SH3GLB1: variants seen among roughly 807,000 people sequenced by gnomAD.
The protein encoded by SH3GLB1 is SH3 domain containing GRB2 like, endophilin B1, also known as endophilin-B1.
SH3GLB1 carries 17 observed loss-of-function variants against 42.0 expected under a neutral mutation model. That is an observed-to-expected ratio of 0.40 (90% CI 0.28 to 0.61). The LOEUF (loss-of-function observed/expected upper bound fraction) is 0.61. Ranked by LOEUF, SH3GLB1 falls within the 20% of genes least tolerant of loss-of-function variation. The pLI, the probability that SH3GLB1 is intolerant of heterozygous loss-of-function variation, is 0.36. For synonymous variants in SH3GLB1, 132 were observed against 146.6 expected, an observed-to-expected ratio of 0.90 and a Z score of 0.72; for missense variants, 355 against 426.3, an observed-to-expected ratio of 0.83 and a Z score of 1.47.
intron 7 of SH3GLB1, among the ~76,000 whole-genome samples, chr1:86,740,611 T>G (rs775818765): frequency 4.1e-4 from 63 of 152,238 alleles, no homozygotes; most frequent in Admixed American, 3.3e-4. Context: ...AAGGCGATGG[T>G]CAAAGAATGG....
Position 86,704,725 on chromosome 1 carries a change from C to G in SH3GLB1, c.-175C>G, listed in dbSNP as rs1570397192. On this transcript the variant is annotated 5_prime_UTR_variant, in exon 1 of 9. Transcript: ENST00000370558. Reference sequence around the variant, plus strand: ...GCCGCGCGCTTGTTCTCCTCCCTCGCCCCGCCTTCATCCTCCCCGTTCACG... The same window carrying G: ...GCCGCGCGCTTGTTCTCCTCCCTCGGCCCGCCTTCATCCTCCCCGTTCACG... 2 of 474,414 alleles carry G rather than the reference C, an allele frequency of 4.2e-6. No homozygotes were observed. Among genetic ancestry groups the G allele is most frequent in the Non-Finnish European group, 7.5e-6 (2 of 268,400 alleles). 29.4% of individuals were successfully genotyped at this position (474,414 alleles called of 1,614,324 possible).
intron 5 of SH3GLB1, chr1:86,734,174 T>TTA (rs1655662465): frequency 6.5e-6 from 1 of 153,478 alleles, no homozygotes; most frequent in East Asian, 1.9e-4. Context: ...TGAAGACTCT[T>TTA]TAACTTCAAA....
At chr1:86,724,884 A>ATATATATATATATATATAT (rs1436043734) in intron 5 of SH3GLB1, among the ~76,000 whole-genome samples, 5 of 104,306 alleles carry the variant, frequency 4.8e-5, no homozygotes, top group African/African-American at 2.5e-4. Flanking sequence ...TAAAAAAAAA[A>ATATATATATATATATATAT]AAAAAAAAAT....
At chr1:86,705,991 C>T (rs1167852220) in intron 1 of SH3GLB1, among the ~76,000 whole-genome samples, 1 of 152,228 alleles carries the variant, frequency 6.6e-6, no homozygotes, top group Non-Finnish European at 1.5e-5. Context: ...ACAGTTGATC[C>T]TACATTGCAC....
intron 1 of SH3GLB1, among the ~76,000 whole-genome samples, chr1:86,712,695 C>T (rs535635539): frequency 2.0e-5 from 3 of 152,032 alleles, no homozygotes; most frequent in African/African-American, 7.2e-5. Context: ...ATTTTCTAAA[C>T]AGGTTTTCTG....
rs993694663 is a variant in SH3GLB1, at chr1:86,747,185, C to T, written c.*3950C>T. 8.5e-5 allele frequency: 13 copies of T among 152,502 alleles called. No individual in the cohort carries two copies. The highest frequency in any genetic ancestry group is 2.9e-4 in the African/African-American group (12 of 41,402). The allele number at this position is 152,502 out of a possible 1,614,324, so 9.4% of individuals were successfully genotyped here. A position where few individuals can be genotyped will look rare whatever the true frequency, so the allele number is the denominator to read the frequency against. On this transcript the variant is annotated 3_prime_UTR_variant, in exon 9 of 9. Transcript: ENST00000370558. ...TATCTGTCACTCTAGAATGTAGGCTCCCTGAGATAAAAACTATAATTCTTT... is the reference window on the plus strand; with the variant it reads ...TATCTGTCACTCTAGAATGTAGGCTTCCTGAGATAAAAACTATAATTCTTT...
chr1:86,705,383 C>G (rs1452581968), intron 1 of SH3GLB1, among the ~76,000 whole-genome samples: 1 of 152,134 alleles, frequency 6.6e-6, no homozygotes, highest in Non-Finnish European at 1.5e-5. Context: ...TCGTCTCTCA[C>G]CCTCCCCTCG....
chr1:86,735,598 C>T (rs958600405), intron 7 of SH3GLB1, among the ~76,000 whole-genome samples: 11 of 152,046 alleles, frequency 7.2e-5, no homozygotes, highest in Admixed American at 1.3e-4. Context: ...TCATATCTAC[C>T]GATGTGATTA....
chr1:86,744,201 A>G lies in SH3GLB1; in HGVS notation c.*966A>G, dbSNP rs1656193895. 1 of 152,248 alleles carries G rather than the reference A, an allele frequency of 6.6e-6. No homozygotes were observed. Among genetic ancestry groups the G allele is most frequent in the South Asian group, 2.1e-4 (1 of 4,834 alleles). The allele number at this position is 152,248 out of a possible 1,614,324, so 9.4% of individuals were successfully genotyped here. A position where few individuals can be genotyped will look rare whatever the true frequency, so the allele number is the denominator to read the frequency against. ...GCTATCTTGATGAGGATCTCTGCTT[A>G]TGAAACACATACTAATGAAATTATT... On this transcript the variant is annotated 3_prime_UTR_variant, in exon 9 of 9. Coordinates refer to ENST00000370558, the MANE Select transcript of SH3GLB1 (RefSeq NM_016009.5).
chr1:86,724,494 C>T (rs533936255), intron 5 of SH3GLB1, 89 bp downstream of exon 5: 123 of 1,000,790 alleles, frequency 1.2e-4, no homozygotes, highest in South Asian at 3.2e-4. Context: ...AGACTATTAA[C>T]TTTAGAGTCT....
intron 5 of SH3GLB1, among the ~76,000 whole-genome samples, chr1:86,724,892 A>AATATATATAT (rs58927851): frequency 2.0e-5 from 2 of 99,700 alleles, no homozygotes; most frequent in African/African-American, 5.4e-5. Flanking sequence ...AAAAAAAAAA[A>AATATATATAT]ATATATATAT....
chr1:86,724,689 A>G (rs980455544), intron 5 of SH3GLB1, among the ~76,000 whole-genome samples: 1 of 151,662 alleles, frequency 6.6e-6, no homozygotes, highest in African/African-American at 2.4e-5. Context: ...CCTGGGCAAC[A>G]TGGCACAGCC....
At chr1:86,718,440 G>T (rs1341464868) in intron 2 of SH3GLB1, among the ~76,000 whole-genome samples, 1 of 152,132 alleles carries the variant, frequency 6.6e-6, no homozygotes, top group African/African-American at 2.4e-5. Flanking sequence ...TTTAATTTCT[G>T]CTTTAAAACT....
At chr1:86,705,266 G>A (rs1382265924) in intron 1 of SH3GLB1, among the ~76,000 whole-genome samples, 1 of 152,106 alleles carries the variant, frequency 6.6e-6, no homozygotes, top group Non-Finnish European at 1.5e-5. Flanking sequence ...CTGATACCAC[G>A]ACGTCAGTGC....
At chr1:86,706,635 A>G (rs1423481168) in intron 1 of SH3GLB1, among the ~76,000 whole-genome samples, 1 of 152,228 alleles carries the variant, frequency 6.6e-6, no homozygotes, top group Non-Finnish European at 1.5e-5. Context: ...CATTGACTGC[A>G]ATAGAGGACT....
At chr1:86,728,748 G>A (rs1026543118) in intron 5 of SH3GLB1, among the ~76,000 whole-genome samples, 2 of 152,158 alleles carry the variant, frequency 1.3e-5, no homozygotes, top group East Asian at 1.9e-4. Context: ...TTTTTGCACT[G>A]ACTAAAAGGT....
At chr1:86,719,436 G>A in intron 2 of SH3GLB1, 71 bp from the exon 3 acceptor site, 1 of 1,392,194 alleles carries the variant, frequency 7.2e-7, no homozygotes, top group East Asian at 2.4e-5. Context: ...GGCTGCTGAT[G>A]GGGGAAAAAA....
intron 5 of SH3GLB1, among the ~76,000 whole-genome samples, chr1:86,729,225 T>C (rs894252044): frequency 1.2e-4 from 18 of 152,190 alleles, no homozygotes; most frequent in African/African-American, 4.1e-4. Context: ...TTTCTAGATA[T>C]ATTACTTCAT....
chr1:86,705,122 T>C, intron 1 of SH3GLB1, 151 bp downstream of exon 1: 2 of 519,822 alleles, frequency 3.8e-6, no homozygotes, highest in Non-Finnish European at 6.6e-6. Context: ...CCTGGTCCCC[T>C]CCCCGGGCCC....
Sources: allele counts gnomAD v4.1 joint callset (sites outside exome capture counted in the v4.1 genomes callset), GRCh38; gene constraint gnomAD v4.1.1; transcripts MANE v1.5; gene names NCBI Gene and HGNC (gene_info 2026-07-23, HGNC 2026-07-21).